Variants in THSD4 observed in about 807,000 individuals in gnomAD.
THSD4 encodes thrombospondin type 1 domain containing 4.
In THSD4, 69 loss-of-function variants were observed where a neutral mutation model predicts 119.0. The ratio of observed to expected loss-of-function variants is 0.58; its 90% confidence interval spans 0.48 to 0.71. The LOEUF is 0.71. Among genes scored for constraint, THSD4 ranks in the 30% least tolerant of loss-of-function variants. The pLI, the probability that THSD4 is intolerant of heterozygous loss-of-function variation, is 0.00. For missense variants in THSD4, 1,393 were observed against 1,391.1 expected (o/e 1.00, Z -0.02); for synonymous variants, 524 against 540.4 (o/e 0.97, Z 0.42).
intron 7 of THSD4, among the ~76,000 whole-genome samples, chr15:71,483,537 T>C (rs1298984948): frequency 1.3e-5 from 2 of 152,196 alleles, no homozygotes; most frequent in Admixed American, 6.5e-5. Context: ...GAAAGTAACT[T>C]GAACTTCCAC....
intron 6 of THSD4, among the ~76,000 whole-genome samples, chr15:71,278,878 AT>A (rs2140311617): frequency 1.3e-5 from 2 of 152,310 alleles, no homozygotes; most frequent in Admixed American, 1.3e-4. Context: ...TTGCTTTAAA[AT>A]TTTATCGAGT....
At chr15:71,119,460 G>A (rs1377574364) in intron 1 of THSD4, among the ~76,000 whole-genome samples, 1 of 152,202 alleles carries the variant, frequency 6.6e-6, no homozygotes, top group Non-Finnish European at 1.5e-5. Context: ...ATCCCAGGCA[G>A]CATGTTCCTT....
intron 5 of THSD4, among the ~76,000 whole-genome samples, chr15:71,255,815 T>C (rs976881828): frequency 2.6e-5 from 4 of 152,144 alleles, no homozygotes; most frequent in African/African-American, 7.2e-5. Context: ...TTGTGAAGAT[T>C]AAATGAGTTC....
rs564106315 is a variant in THSD4 at position 71,369,555 on chromosome 15, G to A, written c.1016-42132G>A. On this transcript the variant is annotated intron_variant, in intron 6 of 17. Coordinates refer to ENST00000261862, the MANE Select transcript of THSD4 (RefSeq NM_024817.3). ...TTGAGATAATCATGTGGTTTTTGTC[G>A]TTGGTTCTGTTTATATGCTGGATTA... 4.3e-3 allele frequency among the ~76,000 whole-genome samples: 648 copies of A among 152,146 alleles called. 4 individuals are homozygous for A. Among genetic ancestry groups the A allele is most frequent in the African/African-American group, 0.014 (572 of 41,496 alleles).
rs184296324 is a variant in THSD4, at chr15:71,505,975, G to C, written c.1152+94152G>C. Among the ~76,000 whole-genome samples the C allele has an allele frequency of 1.2e-4, 19 of 152,314 alleles. 1 individual carries two copies. The highest frequency in any genetic ancestry group is 1.2e-3 in the Admixed American group (18 of 15,298). ...AACTTTTGAGTAATTTTGTAAAGTG[G>C]TAAAATGGTGTTTTATTTATTTTGA... On this transcript the variant is annotated intron_variant, in intron 7 of 17. Transcript: ENST00000261862.
chr15:71,660,041 A>G, intron 7 of THSD4, among the ~76,000 whole-genome samples: 1 of 152,180 alleles, frequency 6.6e-6, no homozygotes, highest in East Asian at 1.9e-4. Context: ...TTAGAGGTTC[A>G]GCTCCCAAAC....
intron 7 of THSD4, among the ~76,000 whole-genome samples, chr15:71,452,421 A>G (rs1443154443): frequency 6.6e-6 from 1 of 150,758 alleles, no homozygotes; most frequent in African/African-American, 2.4e-5. Context: ...AAAAAGTTCC[A>G]CACTGGAAAC....
Position 71,600,850 on chromosome 15 carries a change from G to T in THSD4, c.1153-59680G>T, listed in dbSNP as rs557237670. 7.3e-3 allele frequency among the ~76,000 whole-genome samples: 1,100 copies of T among 151,598 alleles called. 16 individuals are homozygous for T. The highest frequency in any genetic ancestry group is 9.2e-3 in the Non-Finnish European group (624 of 67,934). ...AAACCTCCACCTCCCGGGTTCAAACGATTCACCTGCCTCAGCCTCCTGAGT... is the reference window on the plus strand; with the variant it reads ...AAACCTCCACCTCCCGGGTTCAAACTATTCACCTGCCTCAGCCTCCTGAGT... On this transcript the variant is annotated intron_variant, in intron 7 of 17. Transcript: ENST00000261862.
At chr15:71,499,300 T>C (rs11072293) in intron 7 of THSD4, among the ~76,000 whole-genome samples, 18,387 of 152,050 alleles carry the variant, frequency 0.12, 1,420 homozygotes, top group African/African-American at 0.22. Context: ...GAAGCCTCTC[T>C]CTTCTTGCCC....
intron 6 of THSD4, among the ~76,000 whole-genome samples, chr15:71,404,479 G>T (rs999867951): frequency 6.6e-6 from 1 of 152,152 alleles, no homozygotes; most frequent in African/African-American, 2.4e-5. Context: ...CATTTTGTTT[G>T]TCCATTCACC....
At chr15:71,268,528 A>C (rs2044490037) in intron 6 of THSD4, among the ~76,000 whole-genome samples, 1 of 152,178 alleles carries the variant, frequency 6.6e-6, no homozygotes, top group Non-Finnish European at 1.5e-5. Flanking sequence ...TCAACACCCC[A>C]ACACTACAAT....
intron 5 of THSD4, among the ~76,000 whole-genome samples, chr15:71,248,673 G>A (rs1397352142): frequency 6.6e-6 from 1 of 152,076 alleles, no homozygotes; most frequent in Non-Finnish European, 1.5e-5. Context: ...TTTGACAATG[G>A]ATTTATCCAT....
chr15:71,410,168 G>A (rs535597411), intron 6 of THSD4, among the ~76,000 whole-genome samples: 9 of 152,182 alleles, frequency 5.9e-5, no homozygotes, highest in Non-Finnish European at 1.2e-4. Context: ...AGAAAAGGCC[G>A]ATATTCATTT....
intron 10 of THSD4, among the ~76,000 whole-genome samples, chr15:71,735,484 C>G (rs1031781918): frequency 6.6e-6 from 1 of 152,052 alleles, no homozygotes; most frequent in African/African-American, 2.4e-5. Flanking sequence ...CTCACTAGCT[C>G]TCTGTCTTGC....
intron 7 of THSD4, among the ~76,000 whole-genome samples, chr15:71,435,246 G>C (rs983271258): frequency 1.3e-5 from 2 of 152,110 alleles, no homozygotes; most frequent in Non-Finnish European, 2.9e-5. Flanking sequence ...ACAGAGCAGA[G>C]AAAGTTCAGA....
At chr15:71,492,095 T>C (rs1449016703) in intron 7 of THSD4, among the ~76,000 whole-genome samples, 1 of 152,108 alleles carries the variant, frequency 6.6e-6, no homozygotes, top group Non-Finnish European at 1.5e-5. Context: ...TGTTAGCTGT[T>C]TTCTCGGTGG....
intron 7 of THSD4, among the ~76,000 whole-genome samples, chr15:71,604,263 G>A (rs1432799535): frequency 6.6e-6 from 1 of 152,174 alleles, no homozygotes; most frequent in African/African-American, 2.4e-5. Flanking sequence ...CTTTAGGAAG[G>A]CAAGGTCTGA....
At chr15:71,315,114 A>T (rs768329761) in intron 6 of THSD4, among the ~76,000 whole-genome samples, 7 of 151,936 alleles carry the variant, frequency 4.6e-5, no homozygotes, top group African/African-American at 1.5e-4. Context: ...CTATTAGAAC[A>T]CTCTCTGCCC....
intron 14 of THSD4, among the ~76,000 whole-genome samples, chr15:71,755,666 T>A (rs1217975414): frequency 7.0e-6 from 1 of 142,460 alleles, no homozygotes; most frequent in East Asian, 2.0e-4. Context: ...TAGAGATGAT[T>A]CGTTAGTTCC....
Sources: gnomAD v4.1 joint callset for allele counts (sites outside exome capture counted in the v4.1 genomes callset) on GRCh38, gnomAD v4.1.1 for gene constraint, MANE v1.5 for transcripts, NCBI Gene and HGNC (gene_info 2026-07-23, HGNC 2026-07-21) for gene names.